The following SBF2 variants were observed in gnomAD, a reference collection of about 807,000 sequenced individuals.
The protein encoded by SBF2 is myotubularin-related protein 13.
SBF2 carries 112 observed loss-of-function variants against 225.2 expected under a neutral mutation model. The observed-to-expected ratio is 0.50, with a 90% confidence interval of 0.43 to 0.58. The LOEUF is 0.58. Among genes scored for constraint, SBF2 ranks in the 20% least tolerant of loss-of-function variants. SBF2 has a pLI of 0.00. For missense variants in SBF2, 1,996 were observed against 2,206.2 expected, an observed-to-expected ratio of 0.90 and a Z score of 1.91; for synonymous variants, 763 against 773.3, an observed-to-expected ratio of 0.99 and a Z score of 0.22.
At chr11:10,205,012 G>T (rs1957703740) in intron 1 of SBF2, among the ~76,000 whole-genome samples, 1 of 151,618 alleles carries the variant, frequency 6.6e-6, no homozygotes, top group Non-Finnish European at 1.5e-5. Context: ...CTGTTGGGGG[G>T]AGGTGGGAGG....
intron 17 of SBF2, among the ~76,000 whole-genome samples, chr11:9,886,093 C>A (rs1358385605): frequency 1.3e-5 from 2 of 152,172 alleles, no homozygotes; most frequent in African/African-American, 4.8e-5. Flanking sequence ...CAGAAATAAT[C>A]AAATTCCATG....
intron 24 of SBF2, chr11:9,843,856 T>C (rs1856349137): frequency 6.6e-6 from 1 of 152,174 alleles, no homozygotes; most frequent in Admixed American, 6.6e-5. Flanking sequence ...CTAGACAAAT[T>C]CTAAAAGAGC....
chr11:10,045,357 G>A (rs1341097179), intron 2 of SBF2, among the ~76,000 whole-genome samples: 1 of 151,954 alleles, frequency 6.6e-6, no homozygotes, highest in African/African-American at 2.4e-5. Context: ...AGTAGCGATG[G>A]GGTTTTGCAA....
chr11:9,933,742 C>A (rs1340083607), intron 16 of SBF2, among the ~76,000 whole-genome samples: 1 of 151,980 alleles, frequency 6.6e-6, no homozygotes, highest in Non-Finnish European at 1.5e-5. Flanking sequence ...ACATCACAAT[C>A]AAAAGAACTA....
rs549341011 is a variant in SBF2 at position 10,274,403 on chromosome 11, T to C, written c.55+19612A>G. ...TGTTTAAAATTACAGGGTTTTGTTT[T>C]ATTAAGGGTTTCATTTTATTAAGAG... On this transcript the variant is annotated intron_variant, in intron 1 of 39. Coordinates refer to ENST00000256190, the MANE Select transcript of SBF2 (RefSeq NM_030962.4). 1.1e-4 allele frequency among the ~76,000 whole-genome samples: 16 copies of C among 152,224 alleles called. No homozygotes were observed. The South Asian group carries it at 1.5e-3, about 14-fold the overall frequency.
At chr11:9,927,204 C>T (rs1328273530) in intron 16 of SBF2, among the ~76,000 whole-genome samples, 1 of 152,034 alleles carries the variant, frequency 6.6e-6, no homozygotes, top group Non-Finnish European at 1.5e-5. Context: ...AATAAATAAC[C>T]CAAATACATT....
chr11:9,800,145 A>T (rs1853399743), intron 32 of SBF2, among the ~76,000 whole-genome samples: 1 of 152,030 alleles, frequency 6.6e-6, no homozygotes, highest in Non-Finnish European at 1.5e-5. Flanking sequence ...GGCTGAGGCG[A>T]AAGGATTGCT....
intron 26 of SBF2, among the ~76,000 whole-genome samples, chr11:9,833,880 C>T (rs1455164134): frequency 8.6e-5 from 13 of 150,556 alleles, no homozygotes; most frequent in Admixed American, 6.0e-4. Flanking sequence ...AAGCAATTCT[C>T]CTTTCTCAGC....
At chr11:9,827,562 A>T (rs1485631340) in intron 28 of SBF2, among the ~76,000 whole-genome samples, 1 of 151,980 alleles carries the variant, frequency 6.6e-6, no homozygotes, top group African/African-American at 2.4e-5. Flanking sequence ...TCTGGTCTGG[A>T]ATTTCCTCTG....
intron 1 of SBF2, 98 bp downstream of exon 1, chr11:10,293,917 T>TCCCCGTCGCCCGGCCCCGACGCCCGG: frequency 1.1e-6 from 1 of 881,782 alleles, no homozygotes; most frequent in Non-Finnish European, 1.5e-6. Context: ...GGCCTGGCCC[T>TCCCCGTCGCCCGGCCCCGACGCCCGG]CCCCGACGCC....
At chr11:9,829,242 A>G in intron 28 of SBF2, 114 bp downstream of exon 28, 1 of 1,240,160 alleles carries the variant, frequency 8.1e-7, no homozygotes, top group Non-Finnish European at 1.2e-6. Flanking sequence ...AAAACTTTTA[A>G]GAAGTCTTGG....
At chr11:9,950,902 A>G (rs376256971) in intron 16 of SBF2, among the ~76,000 whole-genome samples, 5 of 152,298 alleles carry the variant, frequency 3.3e-5, no homozygotes, top group African/African-American at 1.2e-4. Context: ...TTAGTGAGAG[A>G]CTACTCCATG....
intron 13 of SBF2, among the ~76,000 whole-genome samples, chr11:9,982,989 C>T (rs919319834): frequency 6.6e-6 from 1 of 152,128 alleles, no homozygotes; most frequent in Non-Finnish European, 1.5e-5. Flanking sequence ...AGAAGGGTGG[C>T]CAGAGGAGCA....
chr11:10,238,405 G>A (rs1264254861), intron 1 of SBF2, among the ~76,000 whole-genome samples: 1 of 152,036 alleles, frequency 6.6e-6, no homozygotes, highest in Admixed American at 6.6e-5. Flanking sequence ...GTAAGGCCCT[G>A]TCTCAAAAAT....
chr11:10,253,342 G>A (rs1960554780), intron 1 of SBF2, among the ~76,000 whole-genome samples: 1 of 152,134 alleles, frequency 6.6e-6, no homozygotes, highest in East Asian at 1.9e-4. Flanking sequence ...ACTTGTTTCT[G>A]AAAGCCTGTC....
At chr11:10,130,025 GA>G (rs1953957825) in intron 2 of SBF2, among the ~76,000 whole-genome samples, 1 of 151,036 alleles carries the variant, frequency 6.6e-6, no homozygotes, top group Non-Finnish European at 1.5e-5. Context: ...TATTAAAAAA[GA>G]AAAAACCAAA....
intron 27 of SBF2, among the ~76,000 whole-genome samples, chr11:9,830,782 C>T (rs1250759965): frequency 1.4e-5 from 2 of 141,338 alleles, no homozygotes; most frequent in African/African-American, 5.4e-5. Flanking sequence ...AAACAAAAAA[C>T]AAAAAACAAA....
rs77744507 is a variant in SBF2 at position 9,973,943 on chromosome 11, C to T, written c.1396-5398G>A. 2.6e-5 allele frequency among the ~76,000 whole-genome samples: 4 copies of T among 152,286 alleles called. No homozygotes were observed. In the East Asian group the frequency reaches 5.8e-4, roughly 22 times the overall value. On this transcript the variant is annotated intron_variant, in intron 13 of 39. Transcript: ENST00000256190. ...AATTCAAGTATTTGAAATTATTTAA[C>T]GTGCACAAATTATACTTAGAGCTAT...
chr11:10,045,651 G>T (rs1344510483), intron 2 of SBF2, among the ~76,000 whole-genome samples: 6 of 152,104 alleles, frequency 3.9e-5, no homozygotes. Flanking sequence ...AAGTTCCCAT[G>T]AACTTTTAAA....
Sources: allele counts gnomAD v4.1 joint callset (sites outside exome capture counted in the v4.1 genomes callset), GRCh38; gene constraint gnomAD v4.1.1; transcripts MANE v1.5; gene names NCBI Gene and HGNC (gene_info 2026-07-23, HGNC 2026-07-21).